The following PGLS variants were observed in gnomAD, a reference collection of about 807,000 sequenced individuals.
PGLS encodes 6-phosphogluconolactonase, also known as epididymis secretory protein Li 304.
Under a neutral mutation model 23.2 loss-of-function variants are expected in PGLS, and 21 were observed. The ratio of observed to expected loss-of-function variants is 0.91; its 90% CI spans 0.64 to 1.31. The LOEUF (loss-of-function observed/expected upper bound fraction) is 1.31. Ranked by LOEUF, PGLS falls within the 50% of genes most tolerant of loss-of-function variation. The pLI, the probability that PGLS is intolerant of heterozygous loss-of-function variation, is 0.00. For missense variants in PGLS, 410 were observed against 354.0 expected, an observed-to-expected ratio of 1.16 and a Z score of -1.27; for synonymous variants, 179 against 165.4, an observed-to-expected ratio of 1.08 and a Z score of -0.63.
chr19:17,519,191 G>A (rs1437523687), intron 4 of PGLS, among the ~76,000 whole-genome samples: 2 of 151,150 alleles, frequency 1.3e-5, no homozygotes, highest in Admixed American at 1.3e-4. Flanking sequence ...GCGTGCGCCT[G>A]TAGTCCCAGC....
intron 4 of PGLS, among the ~76,000 whole-genome samples, chr19:17,519,129 C>T (rs536336069): frequency 9.6e-4 from 145 of 151,728 alleles, no homozygotes; most frequent in African/African-American, 3.4e-3. Flanking sequence ...GCCTGGCCAA[C>T]ATGGCGAAAC....
chr19:17,520,830 T>C, intron 4 of PGLS, 114 bp from the exon 5 acceptor site: 1 of 1,217,606 alleles, frequency 8.2e-7, no homozygotes, highest in Non-Finnish European at 1.1e-6. Flanking sequence ...CTGGGCATTG[T>C]CACATTTTGA....
At chr19:17,514,221 ATCT>A (rs2075522557) in intron 1 of PGLS, among the ~76,000 whole-genome samples, 1 of 152,186 alleles carries the variant, frequency 6.6e-6, no homozygotes, top group South Asian at 2.1e-4. Context: ...TTTTCTCCTC[ATCT>A]TCTGGGGGCT....
chr19:17,513,530 G>C (rs1289394448), intron 1 of PGLS, among the ~76,000 whole-genome samples: 1 of 137,680 alleles, frequency 7.3e-6, no homozygotes, highest in Admixed American at 7.4e-5. Context: ...AAAAAAAGCA[G>C]GTTTTTGGCC....
In PGLS at chr19:17,521,067, C is replaced by G. The variant is rs1383372295; in HGVS notation, c.763C>G (p.His255Asp). The change falls in exon 5 of 5, where the codon CAT becomes GAT. Residue 255 changes from histidine to aspartate, a missense_variant. Coordinates refer to ENST00000252603, the MANE Select transcript of PGLS (RefSeq NM_012088.3). ...CCTCCTGACCGTGCCCTTCGAGAAG[C>G]ATTCCACTTTGTAGCTGGCCAGAGG... ...ARLLTVPFEK[H>D]STL is the part of the protein sequence containing the mutation. The G allele has an allele frequency of 1.9e-6, 3 of 1,601,032 alleles. No homozygotes were observed. The highest frequency in any genetic ancestry group is 2.2e-5 in the South Asian group (2 of 89,158).
At chr19:17,513,433 A>G (rs530133283) in intron 1 of PGLS, among the ~76,000 whole-genome samples, 1 of 151,702 alleles carries the variant, frequency 6.6e-6, no homozygotes, top group South Asian at 2.1e-4. Flanking sequence ...AGGCTGAGGC[A>G]GGAGTGAGGC....
intron 4 of PGLS, 110 bp from the exon 5 acceptor site, chr19:17,520,834 A>G: frequency 7.9e-7 from 1 of 1,260,764 alleles, no homozygotes. Context: ...GCATTGTCAC[A>G]TTTTGAGGAT....
At position 17,511,681 on chromosome 19, in the gene PGLS, G is replaced by C; in HGVS notation, c.9G>C (p.Ala3=). 6.7e-7 allele frequency: 1 copy of C among 1,489,410 alleles called. No individual in the cohort carries two copies. Among genetic ancestry groups the C allele is most frequent in the Non-Finnish European group, 8.9e-7 (1 of 1,127,962 alleles). The allele number at this position is 1,489,410 out of a possible 1,614,324, so 92.3% of individuals were successfully genotyped here. A position where few individuals can be genotyped will look rare whatever the true frequency, so the allele number is the denominator to read the frequency against. The change falls in exon 1 of 5, where the codon GCG becomes GCC. Residue 3 remains alanine (A), a synonymous_variant. Coordinates refer to ENST00000252603, the MANE Select transcript of PGLS (RefSeq NM_012088.3). The part of the protein sequence containing the change: MA[A]PAPGLISVFS... The stretch of plus-strand genomic sequence containing the variant: ...CCGCCGCCGCCCTCGCCATGGCCGC[G>C]CCGGCCCCGGGCCTCATCTCGGTGT...
Position 17,520,976 on chromosome 19 carries a change from G to A in PGLS, c.672G>A (p.Leu224=). Residue 224 remains leucine (L), a synonymous_variant, in exon 5 of 5, where the codon CTG becomes CTA. Transcript: ENST00000252603. ...RILEDQEENP[L]PAALVQPHTG... is the part of the protein sequence containing the mutation. Reference sequence around the variant, plus strand: ...TGGAGGACCAGGAGGAAAACCCGCTGCCCGCCGCCCTGGTCCAGCCCCACA... The same window carrying A: ...TGGAGGACCAGGAGGAAAACCCGCTACCCGCCGCCCTGGTCCAGCCCCACA... The A allele has an allele frequency of 6.3e-7, 1 of 1,597,646 alleles. No homozygotes were observed. Among genetic ancestry groups the A allele is most frequent in the Non-Finnish European group, 8.5e-7 (1 of 1,171,508 alleles).
At position 17,520,972 on chromosome 19, in the gene PGLS, C is replaced by T. The variant is rs780250323; in HGVS notation, c.668C>T (p.Pro223Leu). 18 of 1,597,074 alleles carry T rather than the reference C, an allele frequency of 1.1e-5. No individual in the cohort carries two copies. The highest frequency in any genetic ancestry group is 3.3e-4 in the Middle Eastern group (2 of 6,038). Reference sequence around the variant, plus strand: ...ATTTTGGAGGACCAGGAGGAAAACCCGCTGCCCGCCGCCCTGGTCCAGCCC... The same window carrying T: ...ATTTTGGAGGACCAGGAGGAAAACCTGCTGCCCGCCGCCCTGGTCCAGCCC... ...KRILEDQEENPLPAALVQPHT... is the reference protein window; with the variant it reads ...KRILEDQEENLLPAALVQPHT... Residue 223 changes from proline (P) to leucine (L), a missense_variant, in exon 5 of 5, where the codon CCG (proline) becomes CTG (leucine). Transcript: ENST00000252603.
At chr19:17,519,794 T>C (rs1451309508) in intron 4 of PGLS, among the ~76,000 whole-genome samples, 1 of 152,136 alleles carries the variant, frequency 6.6e-6, no homozygotes, top group Non-Finnish European at 1.5e-5. Flanking sequence ...GTGGTTGCAA[T>C]AGAGACTGGA....
At chr19:17,514,459 C>T (rs1414323324) in intron 1 of PGLS, among the ~76,000 whole-genome samples, 1 of 151,806 alleles carries the variant, frequency 6.6e-6, no homozygotes, top group East Asian at 1.9e-4. Context: ...TTCCTTCCTT[C>T]CTCCCTTCCT....
intron 2 of PGLS, among the ~76,000 whole-genome samples, chr19:17,516,916 A>C (rs2075536078): frequency 2.1e-5 from 3 of 142,036 alleles, no homozygotes; most frequent in African/African-American, 5.3e-5. Context: ...TTACTCTGTC[A>C]CTCTGTCACC....
chr19:17,515,490 A>G (rs1461609824), intron 1 of PGLS, among the ~76,000 whole-genome samples: 3 of 152,300 alleles, frequency 2.0e-5, no homozygotes, highest in Non-Finnish European at 1.5e-5. Flanking sequence ...CAACGACTCC[A>G]CCATTCACAG....
At chr19:17,517,224 C>A in intron 2 of PGLS, 64 bp from the exon 3 acceptor site, 2 of 973,108 alleles carry the variant, frequency 2.1e-6, no homozygotes, top group Admixed American at 1.9e-5. Flanking sequence ...GTTTCTGTGT[C>A]CTCTGAGTCT....
chr19:17,514,586 G>T (rs1192532693), intron 1 of PGLS, among the ~76,000 whole-genome samples: 1 of 151,854 alleles, frequency 6.6e-6, no homozygotes, highest in African/African-American at 2.4e-5. Flanking sequence ...TCAGCTCCCG[G>T]GCTCTATCAA....
chr19:17,519,541 A>G (rs1317120860), intron 4 of PGLS, among the ~76,000 whole-genome samples: 1 of 151,740 alleles, frequency 6.6e-6, no homozygotes. Context: ...CTGGGATTAC[A>G]GGCACCTGCC....
rs2075538326 is a variant in PGLS at position 17,517,396 on chromosome 19, A to G, written c.498+7A>G. 2 of 1,601,432 alleles carry G rather than the reference A, an allele frequency of 1.2e-6. No individual in the cohort carries two copies. Among genetic ancestry groups the G allele is most frequent in the African/African-American group, 1.3e-5 (1 of 74,672 alleles). ...AGACCACCCCCTCCTACAGGTGAGCACACCAATGCGGGGTTCCACCCTAGT... is the reference window on the plus strand; with the variant it reads ...AGACCACCCCCTCCTACAGGTGAGCGCACCAATGCGGGGTTCCACCCTAGT... On this transcript the variant is annotated splice_region_variant and intron_variant, in intron 3 of 4. Transcript: ENST00000252603.
chr19:17,515,802 C>A (rs1001092385), intron 1 of PGLS: 1 of 212,510 alleles, frequency 4.7e-6, no homozygotes, highest in East Asian at 1.0e-4. Context: ...CCCCCAAATA[C>A]AACGGAATTG....
Sources: allele counts gnomAD v4.1 joint callset (sites outside exome capture counted in the v4.1 genomes callset), GRCh38; gene constraint gnomAD v4.1.1; transcripts MANE v1.5; gene names NCBI Gene and HGNC (gene_info 2026-07-23, HGNC 2026-07-21).